TSPAN12: variants seen among roughly 807,000 people sequenced by gnomAD.
The protein encoded by TSPAN12 is tetraspanin 12, also known as tetraspanin-12.
In TSPAN12, 19 loss-of-function variants were observed where a neutral mutation model predicts 39.2. The ratio of observed to expected loss-of-function variants is 0.49; its 90% confidence interval spans 0.34 to 0.71. TSPAN12 has a LOEUF of 0.71. TSPAN12 is among the 30% of genes least tolerant of loss of function. TSPAN12 has a pLI of 0.01. For synonymous variants in TSPAN12, 119 were observed against 124.8 expected, an observed-to-expected ratio of 0.95 and a Z score of 0.31; for missense variants, 314 against 359.9, an observed-to-expected ratio of 0.87 and a Z score of 1.03.
At chr7:120,845,562 A>G (rs973331080) in intron 2 of TSPAN12, among the ~76,000 whole-genome samples, 2 of 152,206 alleles carry the variant, frequency 1.3e-5, no homozygotes, top group African/African-American at 4.8e-5. Flanking sequence ...GTTCTGCCAG[A>G]TTACCCTAAA....
intron 2 of TSPAN12, among the ~76,000 whole-genome samples, chr7:120,851,191 A>G (rs1468085963): frequency 6.6e-6 from 1 of 152,210 alleles, no homozygotes; most frequent in Non-Finnish European, 1.5e-5. Context: ...CTACTTGCCA[A>G]GGATCTAACT....
At chr7:120,822,996 T>C in intron 4 of TSPAN12, among the ~76,000 whole-genome samples, 1 of 152,176 alleles carries the variant, frequency 6.6e-6, no homozygotes, top group East Asian at 1.9e-4. Context: ...ATTTCCAATC[T>C]GGAATTGTAC....
At chr7:120,836,113 G>A (rs1018907609) in intron 4 of TSPAN12, among the ~76,000 whole-genome samples, 2 of 152,158 alleles carry the variant, frequency 1.3e-5, no homozygotes, top group East Asian at 1.9e-4. Context: ...AGAAAAGAGA[G>A]GACAACTTCC....
chr7:120,841,670 T>C (rs546125417), intron 2 of TSPAN12, among the ~76,000 whole-genome samples: 3 of 152,166 alleles, frequency 2.0e-5, no homozygotes, highest in East Asian at 1.9e-4. Context: ...TAGACTTATA[T>C]ACTGAAGTAA....
intron 4 of TSPAN12, among the ~76,000 whole-genome samples, chr7:120,838,434 T>C (rs998966131): frequency 2.0e-5 from 3 of 152,174 alleles, no homozygotes; most frequent in African/African-American, 7.2e-5. Context: ...TGTTTAAAAA[T>C]AGAAGAGAAA....
chr7:120,808,883 G>A (rs911768104), intron 6 of TSPAN12, among the ~76,000 whole-genome samples: 2 of 151,872 alleles, frequency 1.3e-5, no homozygotes, highest in Non-Finnish European at 2.9e-5. Flanking sequence ...TGGAGATAGA[G>A]TTTATAGAGA....
intron 2 of TSPAN12, 134 bp downstream of exon 2, chr7:120,856,564 C>A (rs985516367): frequency 2.2e-6 from 2 of 929,376 alleles, no homozygotes; most frequent in African/African-American, 1.6e-5. Flanking sequence ...TCAAATTTTA[C>A]TTCTCTGAAA....
intron 2 of TSPAN12, 145 bp downstream of exon 2, chr7:120,856,553 G>A: frequency 3.5e-6 from 3 of 858,640 alleles, no homozygotes; most frequent in South Asian, 1.4e-5. Flanking sequence ...TTTTAAGAAG[G>A]TCAAATTTTA....
At chr7:120,804,457 T>C (rs2116340900) in intron 7 of TSPAN12, among the ~76,000 whole-genome samples, 1 of 152,264 alleles carries the variant, frequency 6.6e-6, no homozygotes, top group East Asian at 1.9e-4. Flanking sequence ...GACACTAACC[T>C]ACAACAACTT....
At chr7:120,801,049 G>A (rs1253907233) in intron 7 of TSPAN12, among the ~76,000 whole-genome samples, 1 of 152,098 alleles carries the variant, frequency 6.6e-6, no homozygotes, top group Non-Finnish European at 1.5e-5. Flanking sequence ...GCCTCCCAAA[G>A]TGTTGGGAAT....
At chr7:120,816,562 G>A (rs1241195678) in intron 4 of TSPAN12, among the ~76,000 whole-genome samples, 4 of 152,078 alleles carry the variant, frequency 2.6e-5, no homozygotes, top group African/African-American at 9.7e-5. Flanking sequence ...CAAAGAATCG[G>A]GGAACAGGAA....
chr7:120,857,075 T>C (rs1310362553), intron 1 of TSPAN12: 6 of 454,464 alleles, frequency 1.3e-5, no homozygotes, highest in Non-Finnish European at 2.0e-5. Flanking sequence ...TCCGGATGAA[T>C]GAAGTCGCAC....
At chr7:120,813,042 C>T (rs371278053) in intron 5 of TSPAN12, among the ~76,000 whole-genome samples, 3 of 152,166 alleles carry the variant, frequency 2.0e-5, no homozygotes, top group African/African-American at 7.2e-5. Flanking sequence ...TGGAAGAAAA[C>T]AGAGGAGACC....
chr7:120,818,680 A>C (rs1280318321), intron 4 of TSPAN12, among the ~76,000 whole-genome samples: 1 of 152,154 alleles, frequency 6.6e-6, no homozygotes, highest in African/African-American at 2.4e-5. Flanking sequence ...TCAGACAATA[A>C]CACAGCTTCA....
At chr7:120,817,851 T>G (rs1397704311) in intron 4 of TSPAN12, among the ~76,000 whole-genome samples, 1 of 152,158 alleles carries the variant, frequency 6.6e-6, no homozygotes, top group Non-Finnish European at 1.5e-5. Flanking sequence ...ATATCCTCCT[T>G]CACTGGACTG....
chr7:120,827,199 T>C (rs1268258998), intron 4 of TSPAN12, among the ~76,000 whole-genome samples: 1 of 152,200 alleles, frequency 6.6e-6, no homozygotes, highest in Non-Finnish European at 1.5e-5. Flanking sequence ...CACATTTTTT[T>C]TTGCTTTCAA....
chr7:120,802,509 G>GTT (rs113036693), intron 7 of TSPAN12, among the ~76,000 whole-genome samples: 1 of 150,664 alleles, frequency 6.6e-6, no homozygotes, highest in Non-Finnish European at 1.5e-5. Context: ...TTCTATTGCT[G>GTT]TTTTTTTTTC....
At position 120,800,704 on chromosome 7, in the gene TSPAN12, C is replaced by A. The variant is rs1793749563; in HGVS notation, c.612+5845G>T. On this transcript the variant is annotated intron_variant, in intron 7 of 7. Coordinates refer to ENST00000222747, the MANE Select transcript of TSPAN12 (RefSeq NM_012338.4). ...AGACCACACTGCAGTGGCCTTATTCCTATCCCAATAATCCCTGCTGAAATA... is the reference window on the plus strand; with the variant it reads ...AGACCACACTGCAGTGGCCTTATTCATATCCCAATAATCCCTGCTGAAATA... Among the ~76,000 whole-genome samples, 3 of 151,208 alleles carry A rather than the reference C, an allele frequency of 2.0e-5. 1 individual carries two copies. The South Asian group carries it at 6.3e-4, about 32-fold the overall frequency.
At chr7:120,811,896 G>A (rs115008827) in intron 5 of TSPAN12, among the ~76,000 whole-genome samples, 5,658 of 151,994 alleles carry the variant, frequency 0.037, 162 homozygotes, top group African/African-American at 0.076. Flanking sequence ...TTGGGGACTC[G>A]GGAGGAAGGA....
Sources: allele counts gnomAD v4.1 joint callset (sites outside exome capture counted in the v4.1 genomes callset), GRCh38; gene constraint gnomAD v4.1.1; transcripts MANE v1.5; gene names NCBI Gene and HGNC (gene_info 2026-07-23, HGNC 2026-07-21).